The following ZNF185 variants were observed in gnomAD, a reference collection of about 807,000 sequenced individuals.
The protein encoded by ZNF185 is zinc finger protein 185.
A neutral mutation model predicts 58.6 loss-of-function variants in ZNF185; 56 were observed. The observed-to-expected ratio is 0.95, with a 90% CI of 0.77 to 1.19. ZNF185 has a LOEUF of 1.19. Among genes scored for constraint, ZNF185 ranks in the 50% most tolerant of loss-of-function variants. The probability of loss-of-function intolerance (pLI) is 0.00; values close to 1 mark genes in which losing one functional copy is unlikely to be tolerated. For synonymous variants in ZNF185, 230 were observed against 215.9 expected (o/e 1.07, Z -0.57); for missense variants, 627 against 573.5 (o/e 1.09, Z -0.95).
chrX:152,900,878 T>C, the ZNF185 span, among the ~76,000 whole-genome samples: 1 of 112,452 alleles, frequency 8.9e-6, no homozygotes, highest in Admixed American at 9.3e-5. Context: ...ATGCAACCCC[T>C]TGAGGCCTCT....
chrX:152,898,108 A>ACCGCGCC, the ZNF185 span, among the ~76,000 whole-genome samples: 342 of 104,093 alleles, frequency 3.3e-3, 3 homozygotes, highest in Non-Finnish European at 4.8e-3. Flanking sequence ...CCCGCTGTGC[A>ACCGCGCC]CCGCGCCCCG....
At chrX:152,945,545 C>G in intron 16 of ZNF185, 81 bp downstream of exon 18, 1 of 1,045,944 alleles carries the variant, frequency 9.6e-7, no homozygotes, top group Non-Finnish European at 1.3e-6. Context: ...GAACCACTTC[C>G]CCACACCCTG....
At chrX:152,933,935 A>G (rs992709376) in intron 14 of ZNF185, among the ~76,000 whole-genome samples, 2 of 112,148 alleles carry the variant, frequency 1.8e-5, no homozygotes, top group Non-Finnish European at 3.8e-5. Context: ...CCACAAGTCA[A>G]CACAGGAAGG....
At chrX:152,942,828 T>C (rs2047375819) in intron 15 of ZNF185, among the ~76,000 whole-genome samples, 1 of 111,297 alleles carries the variant, frequency 9.0e-6, no homozygotes, top group Non-Finnish European at 1.9e-5. Context: ...GTCAGCTGGG[T>C]GCAGTGGCTC....
In ZNF185 at chrX:152,919,068, G is replaced by T. The variant is rs1556868129; in HGVS notation, c.517G>T (p.Glu173Ter). 1 of 1,207,273 alleles carries T rather than the reference G, an allele frequency of 8.3e-7. No homozygotes were observed. Among genetic ancestry groups the T allele is most frequent in the Admixed American group, 2.2e-5 (1 of 45,970 alleles). Reference sequence around the variant, plus strand: ...GGAGGTGGTGCCATTCTCCTCAGATGAACAGAAACGGAGGTAATGGAATGG... The same window carrying T: ...GGAGGTGGTGCCATTCTCCTCAGATTAACAGAAACGGAGGTAATGGAATGG... Residue 173 changes from glutamate to a stop codon, truncating the protein, a stop_gained, in exon 7 of 23, where the codon GAA becomes TAA. Transcript: ENST00000449285. LOFTEE classifies it high-confidence loss of function.
Position 152,963,874 on chromosome X carries a change from C to A in ZNF185, c.1643C>A (p.Thr548Asn), listed in dbSNP as rs782307835. ...CCCTCGAGCTGCATGGTCACTGTTA[C>A]TGTCACTGCCACATCTGAGCAGCCT... The change falls in exon 18 of 23, where the codon ACT becomes AAT. Residue 548 changes from threonine to asparagine, a missense_variant. Transcript: ENST00000449285. 3 of 1,210,055 alleles carry A rather than the reference C, an allele frequency of 2.5e-6. No homozygotes were observed. The African/African-American group carries it at 5.2e-5, about 21-fold the overall frequency.
At chrX:152,908,636 G>A in the ZNF185 span, among the ~76,000 whole-genome samples, 2 of 112,758 alleles carry the variant, frequency 1.8e-5, no homozygotes, top group Admixed American at 9.3e-5. Context: ...TCCCTCCAGC[G>A]GGTGAGCATT....
chrX:152,966,508 G>A (rs1156424361), intron 19 of ZNF185, among the ~76,000 whole-genome samples: 1 of 111,053 alleles, frequency 9.0e-6, no homozygotes, highest in Non-Finnish European at 1.9e-5. Flanking sequence ...GATGAGCATG[G>A]CTGTGGGGGT....
chrX:152,909,920 T>C (rs1936909750), upstream of ZNF185, among the ~76,000 whole-genome samples: 1 of 103,596 alleles, frequency 9.7e-6, no homozygotes, highest in African/African-American at 3.6e-5. Context: ...TTTTTTTTTT[T>C]TTTTTGAGAT....
chrX:152,928,758 C>G, intron 12 of ZNF185, 97 bp downstream of exon 13: 1 of 913,027 alleles, frequency 1.1e-6, no homozygotes, highest in Non-Finnish European at 1.5e-6. Context: ...AGGGCCGGCT[C>G]TGCCACTGTA....
At chrX:152,915,304 C>A in intron 3 of ZNF185, 101 bp downstream of exon 4, 1 of 865,658 alleles carries the variant, frequency 1.2e-6, no homozygotes, top group Non-Finnish European at 1.6e-6. Context: ...CCACAGGGGA[C>A]AGGGATGCAG....
Position 152,945,424 on chromosome X carries a change from G to A in ZNF185, c.1369G>A (p.Gly457Arg), listed in dbSNP as rs782412570. The A allele has an allele frequency of 6.6e-6, 8 of 1,205,431 alleles. No individual in the cohort carries two copies. Among genetic ancestry groups the A allele is most frequent in the East Asian group, 6.0e-5 (2 of 33,607 alleles). ...CCCAGAGCGGCAGAGCAGCCCCAGC[G>A]GATCTGAGCAACTTGTCAGACGAGA... The change falls in exon 16 of 23, where the codon GGA becomes AGA. Residue 457 changes from glycine (G) to arginine (R), a missense_variant. By Grantham distance (125) the Gly-to-Arg change is moderately radical (BLOSUM62 -2). Transcript: ENST00000449285.
chrX:152,935,578 C>T (rs1387817171), intron 14 of ZNF185, among the ~76,000 whole-genome samples: 1 of 112,401 alleles, frequency 8.9e-6, no homozygotes, highest in African/African-American at 3.2e-5. Context: ...GCAACAACCA[C>T]TCTCCTTTTC....
chrX:152,912,530 A>G (rs1201478759), upstream of ZNF185, among the ~76,000 whole-genome samples: 1 of 111,279 alleles, frequency 9.0e-6, no homozygotes, highest in Non-Finnish European at 1.9e-5. Context: ...GATGGAGTCC[A>G]CCCCCGAAAC....
chrX:152,931,283 C>T lies in ZNF185; in HGVS notation c.918-389C>T, dbSNP rs146278274. ...CAGCAGGGTTTGTTTGTTTTTGGTTCTGTTTTTTAAGACAGCATCTTGCTG... is the reference window on the plus strand; with the variant it reads ...CAGCAGGGTTTGTTTGTTTTTGGTTTTGTTTTTTAAGACAGCATCTTGCTG... On this transcript the variant is annotated intron_variant, in intron 12 of 22. Transcript: ENST00000449285. 6.5e-3 allele frequency among the ~76,000 whole-genome samples: 732 copies of T among 112,293 alleles called. 6 individuals carry two copies. Among genetic ancestry groups the T allele is most frequent in the African/African-American group, 0.022 (682 of 30,905 alleles).
At chrX:152,967,017 C>G in intron 19 of ZNF185, 150 bp from the exon 22 acceptor site, 1 of 500,247 alleles carries the variant, frequency 2.0e-6, no homozygotes, top group Non-Finnish European at 3.3e-6. Context: ...TTTGCCCCCC[C>G]ATAGAAGGGC....
intron 15 of ZNF185, among the ~76,000 whole-genome samples, chrX:152,939,354 G>A (rs1159253750): frequency 8.9e-6 from 1 of 111,982 alleles, no homozygotes; most frequent in Non-Finnish European, 1.9e-5. Flanking sequence ...GTGCCTTACA[G>A]CCTTCCCAGC....
chrX:152,902,965 C>T, the ZNF185 span, among the ~76,000 whole-genome samples: 1 of 111,528 alleles, frequency 9.0e-6, no homozygotes, highest in Non-Finnish European at 1.9e-5. Flanking sequence ...AAGGAATTAG[C>T]TTTGGCTGAT....
At chrX:152,936,148 A>T (rs782151638) in intron 14 of ZNF185, among the ~76,000 whole-genome samples, 1 of 112,779 alleles carries the variant, frequency 8.9e-6, no homozygotes, top group African/African-American at 3.2e-5. Context: ...GGTAAAACTG[A>T]GGCCCAGAAA....
Sources: gnomAD v4.1 joint callset for allele counts (sites outside exome capture counted in the v4.1 genomes callset) on GRCh38, gnomAD v4.1.1 for gene constraint, MANE v1.5 for transcripts, NCBI Gene and HGNC (gene_info 2026-07-23, HGNC 2026-07-21) for gene names.